Variants in DCC observed in about 807,000 individuals in gnomAD.
DCC encodes the protein netrin receptor DCC.
Under a neutral mutation model 172.5 loss-of-function variants are expected in DCC, and 58 were observed. The ratio of observed to expected loss-of-function variants is 0.34; its 90% CI spans 0.27 to 0.42. The LOEUF is 0.42. DCC is among the 10% of genes least tolerant of loss of function. The pLI is 1.00. For missense variants in DCC, 1,740 were observed against 1,791.0 expected (o/e 0.97, Z 0.51); for synonymous variants, 709 against 644.5 (o/e 1.10, Z -1.52).
At chr18:53,274,030 C>A (rs1598971598) in intron 12 of DCC, among the ~76,000 whole-genome samples, 1 of 152,144 alleles carries the variant, frequency 6.6e-6, no homozygotes, top group East Asian at 1.9e-4. Flanking sequence ...CAGCAAGATA[C>A]ATTTAAAAGG....
chr18:52,669,937 G>A (rs544615093), intron 1 of DCC, among the ~76,000 whole-genome samples: 58 of 151,772 alleles, frequency 3.8e-4, no homozygotes, highest in Non-Finnish European at 6.9e-4. Context: ...GGTGGTCACA[G>A]ACTGTCTCTG....
At position 52,752,286 on chromosome 18, in the gene DCC, C is replaced by T. The variant is rs1484761573; in HGVS notation, c.324C>T (p.His108=). 2 of 1,614,132 alleles carry T rather than the reference C, an allele frequency of 1.2e-6. No homozygotes were observed. The highest frequency in any genetic ancestry group is 4.5e-5 in the East Asian group (2 of 44,860). ...AAAACATACTTCATTCCAGACACCA[C>T]AAGCCAGATGAGGGACTTTACCAAT... ...LIQNILHSRH[H]KPDEGLYQCE... The change falls in exon 2 of 29, where the codon CAC becomes CAT. Residue 108 remains histidine, a synonymous_variant. Coordinates refer to ENST00000442544, the MANE Select transcript of DCC (RefSeq NM_005215.4).
rs77398512 is a variant in DCC, at chr18:53,382,384, G to A, written c.2360-3659G>A. Among the ~76,000 whole-genome samples the A allele has an allele frequency of 3.2e-3, 487 of 152,076 alleles. 4 individuals are homozygous for A. Among genetic ancestry groups the A allele is most frequent in the African/African-American group, 0.011 (450 of 41,522 alleles). On this transcript the variant is annotated intron_variant, in intron 15 of 28. Transcript: ENST00000442544. ...AGTGTACTTTTTGATCTACCTAATT[G>A]TATTTTCACCATTTTTTCACTGAAA...
intron 2 of DCC, among the ~76,000 whole-genome samples, chr18:52,777,059 A>G (rs2037447704): frequency 4.6e-5 from 7 of 151,984 alleles, no homozygotes; most frequent in Admixed American, 3.3e-4. Flanking sequence ...TTTTGCATTT[A>G]TTTTTACTTT....
intron 1 of DCC, among the ~76,000 whole-genome samples, chr18:52,587,614 C>T (rs2033705122): frequency 6.6e-6 from 1 of 152,220 alleles, no homozygotes; most frequent in Non-Finnish European, 1.5e-5. Context: ...TATATAATCA[C>T]ACATCTGGCC....
At chr18:53,087,920 C>T (rs1254906300) in intron 7 of DCC, among the ~76,000 whole-genome samples, 12 of 151,630 alleles carry the variant, frequency 7.9e-5, no homozygotes, top group South Asian at 4.2e-4. Context: ...TGTAGATATG[C>T]GACGTTATTT....
intron 1 of DCC, among the ~76,000 whole-genome samples, chr18:52,480,353 A>G (rs1197574690): frequency 6.6e-6 from 1 of 151,658 alleles, no homozygotes; most frequent in Non-Finnish European, 1.5e-5. Context: ...AAAGTGAGAC[A>G]AACAATAGAA....
At chr18:52,793,576 C>T (rs548004249) in intron 2 of DCC, among the ~76,000 whole-genome samples, 1 of 152,126 alleles carries the variant, frequency 6.6e-6, no homozygotes, top group Non-Finnish European at 1.5e-5. Flanking sequence ...AATATTTTCT[C>T]TCATTCTGCA....
chr18:53,405,167 G>A (rs546422597), intron 19 of DCC, among the ~76,000 whole-genome samples: 37 of 149,630 alleles, frequency 2.5e-4, no homozygotes, highest in Non-Finnish European at 4.4e-4. Flanking sequence ...TCCTGTGGAA[G>A]TGCAACAATT....
At chr18:52,598,634 C>T (rs534354070) in intron 1 of DCC, among the ~76,000 whole-genome samples, 30 of 152,232 alleles carry the variant, frequency 2.0e-4, no homozygotes, top group South Asian at 1.9e-3. Context: ...TATTCTTCTG[C>T]GGATCATAGC....
intron 1 of DCC, among the ~76,000 whole-genome samples, chr18:52,341,239 G>T (rs964205011): frequency 2.0e-5 from 3 of 152,186 alleles, no homozygotes; most frequent in Non-Finnish European, 4.4e-5. Flanking sequence ...CCTACCAAGT[G>T]GGGAGGATTG....
At chr18:52,349,802 A>G (rs1027556257) in intron 1 of DCC, among the ~76,000 whole-genome samples, 1 of 152,124 alleles carries the variant, frequency 6.6e-6, no homozygotes, top group Non-Finnish European at 1.5e-5. Flanking sequence ...ATAAATATTT[A>G]ATTCATTTGA....
chr18:53,533,761 T>G lies in DCC; in HGVS notation c.*3108T>G, dbSNP rs2046546987. On this transcript the variant is annotated 3_prime_UTR_variant, in exon 29 of 29. Coordinates refer to ENST00000442544, the MANE Select transcript of DCC (RefSeq NM_005215.4). ...GGGTATTATAAAATGCATACTCAAT[T>G]GAATGAGCTGAAAAAAATACCAAGC... The G allele has an allele frequency of 6.6e-6, 1 of 152,206 alleles. No individual in the cohort carries two copies. Among genetic ancestry groups the G allele is most frequent in the African/African-American group, 2.4e-5 (1 of 41,456 alleles). 9.4% of individuals were successfully genotyped at this position (152,206 alleles called of 1,614,324 possible). A position where few individuals can be genotyped will look rare whatever the true frequency, so the allele number is the denominator to read the frequency against.
intron 1 of DCC, among the ~76,000 whole-genome samples, chr18:52,370,616 T>A (rs1262775394): frequency 1.3e-5 from 2 of 152,130 alleles, no homozygotes; most frequent in African/African-American, 2.4e-5. Context: ...ATGCTGGGCT[T>A]AATACCTAGA....
intron 2 of DCC, among the ~76,000 whole-genome samples, chr18:52,788,178 T>C (rs1357597887): frequency 6.6e-6 from 1 of 152,218 alleles, no homozygotes; most frequent in Non-Finnish European, 1.5e-5. Context: ...ATATCAAATT[T>C]AAGATAATCC....
chr18:53,069,409 T>C (rs751720203), intron 7 of DCC, among the ~76,000 whole-genome samples: 5 of 152,262 alleles, frequency 3.3e-5, no homozygotes, highest in Middle Eastern at 6.8e-3. Context: ...AAGGCAAGGC[T>C]GAAGGTTTCT....
intron 7 of DCC, among the ~76,000 whole-genome samples, chr18:53,120,588 G>T (rs1293248608): frequency 6.6e-6 from 1 of 151,806 alleles, no homozygotes; most frequent in African/African-American, 2.4e-5. Context: ...AGGAAAAATT[G>T]CTCTGCTAAT....
At chr18:52,557,134 C>T (rs1294532585) in intron 1 of DCC, among the ~76,000 whole-genome samples, 1 of 152,012 alleles carries the variant, frequency 6.6e-6, no homozygotes, top group Non-Finnish European at 1.5e-5. Context: ...ACATATTCGC[C>T]CCATTTCTTA....
intron 22 of DCC, among the ~76,000 whole-genome samples, chr18:53,437,703 C>T (rs1912039128): frequency 6.6e-6 from 1 of 151,882 alleles, no homozygotes; most frequent in Non-Finnish European, 1.5e-5. Flanking sequence ...ATAATTCCCT[C>T]CTCCCAACTT....
Sources: gnomAD v4.1 joint callset for allele counts (sites outside exome capture counted in the v4.1 genomes callset) on GRCh38, gnomAD v4.1.1 for gene constraint, MANE v1.5 for transcripts, NCBI Gene and HGNC (gene_info 2026-07-23, HGNC 2026-07-21) for gene names.